Variants in FGF14 observed in about 807,000 individuals in gnomAD.
FGF14 encodes the protein fibroblast growth factor 14, also known as fibroblast growth factor homologous factor 4.
A neutral mutation model predicts 25.5 loss-of-function variants in FGF14; 5 were observed. That is an observed-to-expected ratio of 0.20 (90% CI 0.10 to 0.41). The LOEUF is 0.41. FGF14 is among the 10% of genes least tolerant of loss of function. The probability of loss-of-function intolerance (pLI) is 1.00; values close to 1 mark genes in which losing one functional copy is unlikely to be tolerated. For synonymous variants in FGF14, 138 were observed against 118.3 expected, an observed-to-expected ratio of 1.17 and a Z score of -1.08; for missense variants, 222 against 320.1, an observed-to-expected ratio of 0.69 and a Z score of 2.34.
intron 1 of FGF14, among the ~76,000 whole-genome samples, chr13:101,910,892 G>GTT (rs2032863005): frequency 7.8e-6 from 1 of 128,900 alleles, no homozygotes; most frequent in South Asian, 2.4e-4. Flanking sequence ...GTGTGTGTGT[G>GTT]TTTTAGTTGT....
At chr13:102,019,855 G>C (rs1473584336) in intron 1 of FGF14, among the ~76,000 whole-genome samples, 1 of 152,100 alleles carries the variant, frequency 6.6e-6, no homozygotes, top group Non-Finnish European at 1.5e-5. Flanking sequence ...TCGTATTGTT[G>C]CCAAGAAAGA....
At chr13:101,931,584 C>T (rs2034752939) in intron 1 of FGF14, among the ~76,000 whole-genome samples, 1 of 152,182 alleles carries the variant, frequency 6.6e-6, no homozygotes, top group African/African-American at 2.4e-5. Flanking sequence ...GTTTTGTTCA[C>T]TGTGCATCCA....
intron 1 of FGF14, among the ~76,000 whole-genome samples, chr13:102,015,380 T>C (rs1169427283): frequency 6.6e-6 from 1 of 152,174 alleles, no homozygotes; most frequent in Admixed American, 6.5e-5. Flanking sequence ...GCTCTACACT[T>C]GAAAATGTTT....
intron 1 of FGF14, among the ~76,000 whole-genome samples, chr13:102,277,871 A>G (rs1348325338): frequency 6.6e-6 from 1 of 152,228 alleles, no homozygotes; most frequent in African/African-American, 2.4e-5. Context: ...GTTTATTTAC[A>G]TCCTTAATAT....
intron 1 of FGF14, among the ~76,000 whole-genome samples, chr13:101,963,326 T>A (rs1566501474): frequency 6.6e-6 from 1 of 152,316 alleles, no homozygotes; most frequent in East Asian, 1.9e-4. Context: ...TTGTTCAAAT[T>A]TCAGTTGTTT....
chr13:102,007,341 T>C (rs910708853), intron 1 of FGF14, among the ~76,000 whole-genome samples: 1 of 152,188 alleles, frequency 6.6e-6, no homozygotes, highest in African/African-American at 2.4e-5. Flanking sequence ...TGTGTTCAAG[T>C]ATTAATAAAT....
chr13:102,230,066 GGGA>G (rs2051008599), intron 1 of FGF14, among the ~76,000 whole-genome samples: 1 of 152,172 alleles, frequency 6.6e-6, no homozygotes, highest in Admixed American at 6.5e-5. Context: ...TGGGAATTTG[GGGA>G]GGAGATTGGG....
At chr13:101,808,724 A>C (rs1342876506) in intron 3 of FGF14, among the ~76,000 whole-genome samples, 1 of 152,032 alleles carries the variant, frequency 6.6e-6, no homozygotes, top group Non-Finnish European at 1.5e-5. Context: ...AGATTGAGCT[A>C]ACCTATTACT....
At chr13:102,057,716 A>G (rs188012169) in intron 1 of FGF14, among the ~76,000 whole-genome samples, 14 of 152,314 alleles carry the variant, frequency 9.2e-5, no homozygotes, top group African/African-American at 3.1e-4. Context: ...TTCTTAATGC[A>G]TAATTCAGTG....
chr13:102,176,089 A>G (rs1340586316), intron 1 of FGF14, among the ~76,000 whole-genome samples: 3 of 152,186 alleles, frequency 2.0e-5, no homozygotes, highest in East Asian at 3.9e-4. Context: ...AGGAAAAGAA[A>G]TTGTTATATC....
intron 1 of FGF14, chr13:102,293,719 A>C (rs1293796788): frequency 6.6e-6 from 1 of 152,208 alleles, no homozygotes; most frequent in African/African-American, 2.4e-5. Context: ...ATTTTACTGA[A>C]GCATTATTTT....
rs75090317 is a variant in FGF14 at position 102,351,979 on chromosome 13, C to A, written c.208+49492G>T. On this transcript the variant is annotated intron_variant, in intron 1 of 4. Transcript: ENST00000376131. ...GAATTTCTGAACATATTTCAAACAA[C>A]CACAGTAAGCAGGACTTGAATGCAA... Among the ~76,000 whole-genome samples, 769 of 152,242 alleles carry A rather than the reference C, an allele frequency of 5.1e-3. 13 individuals are homozygous for A. Among genetic ancestry groups the A allele is most frequent in the East Asian group, 0.043 (221 of 5,172 alleles).
chr13:102,257,781 G>T (rs2052523564), intron 1 of FGF14, among the ~76,000 whole-genome samples: 1 of 152,102 alleles, frequency 6.6e-6, no homozygotes, highest in Admixed American at 6.5e-5. Context: ...CCAAGCATTT[G>T]ACAAGGCTGA....
At chr13:102,163,993 C>T (rs1055374382) in intron 1 of FGF14, among the ~76,000 whole-genome samples, 11 of 152,094 alleles carry the variant, frequency 7.2e-5, no homozygotes, top group Non-Finnish European at 1.5e-4. Flanking sequence ...ACCAAATGTC[C>T]TCATGTCCTT....
chr13:101,744,237 T>C lies in FGF14; in HGVS notation c.409-17427A>G, dbSNP rs111676382. ...AAAGTAGCATGCTAGAGCCTGGCCA[T>C]AAATCCTTATAAAAATCCTACAGAT... On this transcript the variant is annotated intron_variant, in intron 3 of 4. Transcript: ENST00000376143. 1.1e-4 allele frequency among the ~76,000 whole-genome samples: 17 copies of C among 152,182 alleles called. 1 individual carries two copies. The highest frequency in any genetic ancestry group is 4.1e-4 in the African/African-American group (17 of 41,524).
At chr13:102,144,993 C>T (rs957260803) in intron 1 of FGF14, among the ~76,000 whole-genome samples, 3 of 152,002 alleles carry the variant, frequency 2.0e-5, no homozygotes, top group South Asian at 2.1e-4. Flanking sequence ...GTAATTCTTC[C>T]GTAATATTTG....
At chr13:101,729,592 G>C (rs900607648) in intron 3 of FGF14, among the ~76,000 whole-genome samples, 1 of 152,062 alleles carries the variant, frequency 6.6e-6, no homozygotes, top group Non-Finnish European at 1.5e-5. Flanking sequence ...AAAAATCATA[G>C]GGCAATAAGG....
At chr13:102,207,899 A>G (rs1398270658) in intron 1 of FGF14, among the ~76,000 whole-genome samples, 9 of 152,178 alleles carry the variant, frequency 5.9e-5, no homozygotes, top group African/African-American at 2.2e-4. Context: ...TCTACACTAC[A>G]TTCCACTAAA....
At chr13:102,276,869 A>C (rs939833186) in intron 1 of FGF14, among the ~76,000 whole-genome samples, 3 of 152,176 alleles carry the variant, frequency 2.0e-5, no homozygotes, top group Admixed American at 2.0e-4. Context: ...TAATAGGATA[A>C]AGTTACTTTG....
Sources: gnomAD v4.1 joint callset for allele counts (sites outside exome capture counted in the v4.1 genomes callset) on GRCh38, gnomAD v4.1.1 for gene constraint, MANE v1.5 for transcripts, NCBI Gene and HGNC (gene_info 2026-07-23, HGNC 2026-07-21) for gene names.